Variants in CENPP observed in about 807,000 individuals in gnomAD.
CENPP encodes the protein centromere protein P.
A neutral mutation model predicts 35.6 loss-of-function variants in CENPP; 24 were observed. The ratio of observed to expected loss-of-function variants is 0.67; its 90% confidence interval spans 0.49 to 0.95. The LOEUF (loss-of-function observed/expected upper bound fraction) is 0.95. Ranked by LOEUF, CENPP falls within the 40% of genes least tolerant of loss-of-function variation. CENPP has a pLI of 0.00. For missense variants in CENPP, 332 were observed against 345.3 expected (o/e 0.96, Z 0.31); for synonymous variants, 120 against 125.5 (o/e 0.96, Z 0.29).
At chr9:92,507,328 A>C (rs1430042396) in intron 5 of CENPP, among the ~76,000 whole-genome samples, 1 of 152,232 alleles carries the variant, frequency 6.6e-6, no homozygotes, top group Non-Finnish European at 1.5e-5. Flanking sequence ...TCTCTAGTAC[A>C]TAGGTGAAGT....
chr9:92,449,854 A>G (rs1430470523), intron 5 of CENPP, among the ~76,000 whole-genome samples: 1 of 152,144 alleles, frequency 6.6e-6, no homozygotes, highest in East Asian at 1.9e-4. Context: ...CATGCTTCCT[A>G]TACAGCCTGC....
intron 5 of CENPP, chr9:92,515,196 A>G (rs748974271): frequency 2.6e-6 from 4 of 1,567,440 alleles, no homozygotes; most frequent in East Asian, 2.2e-5. Context: ...TGAGTAGAGA[A>G]TAGGAGACTA....
chr9:92,525,059 C>A (rs1258667254), intron 5 of CENPP, among the ~76,000 whole-genome samples: 1 of 152,166 alleles, frequency 6.6e-6, no homozygotes, highest in Non-Finnish European at 1.5e-5. Context: ...TGCCTGTAAT[C>A]CCAGCCCTAT....
intron 1 of CENPP, among the ~76,000 whole-genome samples, chr9:92,331,113 A>G (rs959613687): frequency 6.6e-5 from 10 of 152,250 alleles, no homozygotes; most frequent in Non-Finnish European, 4.4e-5. Context: ...CTTTCTTACT[A>G]TAAAACGTTC....
chr9:92,360,607 T>G (rs1841721234), intron 4 of CENPP, among the ~76,000 whole-genome samples: 1 of 152,182 alleles, frequency 6.6e-6, no homozygotes, highest in African/African-American at 2.4e-5. Context: ...GATAACATTA[T>G]AATGTTTTAC....
Position 92,443,550 on chromosome 9 carries a change from G to T in CENPP, c.564+63691G>T, listed in dbSNP as rs113662500. Among the ~76,000 whole-genome samples the T allele has an allele frequency of 9.4e-4, 143 of 152,198 alleles. 1 individual carries two copies. The highest frequency in any genetic ancestry group is 3.2e-3 in the African/African-American group (134 of 41,518). On this transcript the variant is annotated intron_variant, in intron 5 of 7. Transcript: ENST00000375587. The stretch of plus-strand genomic sequence containing the variant: ...CAATAATAATCTCAGCTTGGTTTTT[G>T]TGTGATTTTACATGCTAATTCTGAA...
chr9:92,537,776 C>A (rs1444873873), intron 5 of CENPP, among the ~76,000 whole-genome samples: 1 of 152,188 alleles, frequency 6.6e-6, no homozygotes, highest in Non-Finnish European at 1.5e-5. Flanking sequence ...GAAGATTTCT[C>A]AATCTCAGTA....
chr9:92,377,109 A>G (rs991714051), intron 4 of CENPP, among the ~76,000 whole-genome samples: 43 of 151,396 alleles, frequency 2.8e-4, no homozygotes, highest in African/African-American at 9.2e-4. Context: ...TCCCTTTTCT[A>G]TTGCAGAGCA....
intron 5 of CENPP, among the ~76,000 whole-genome samples, chr9:92,480,656 C>G (rs554794264): frequency 1.8e-4 from 27 of 152,276 alleles, no homozygotes; most frequent in Non-Finnish European, 3.4e-4. Flanking sequence ...TATTTCCTCT[C>G]AGACACTATT....
intron 7 of CENPP, 135 bp from the exon 8 acceptor site, chr9:92,612,884 G>A (rs1005062306): frequency 7.0e-5 from 74 of 1,059,176 alleles, no homozygotes; most frequent in Middle Eastern, 3.1e-4. Flanking sequence ...CTCCTCGCCC[G>A]CCACTAGCAT....
chr9:92,469,678 A>AG (rs1426054380), intron 5 of CENPP, among the ~76,000 whole-genome samples: 1 of 152,160 alleles, frequency 6.6e-6, no homozygotes, highest in East Asian at 1.9e-4. Flanking sequence ...TGGAATAGCC[A>AG]GGCCTGGCTT....
intron 5 of CENPP, among the ~76,000 whole-genome samples, chr9:92,595,860 C>T (rs891073298): frequency 6.6e-6 from 1 of 152,176 alleles, no homozygotes; most frequent in Non-Finnish European, 1.5e-5. Flanking sequence ...CCGCACCCAG[C>T]CTATTTCCTT....
intron 5 of CENPP, chr9:92,500,758 G>A (rs761774737): frequency 3.7e-6 from 6 of 1,613,378 alleles, no homozygotes; most frequent in Non-Finnish European, 5.1e-6. Context: ...CTCAGAAAAT[G>A]TAGTGCTTTC....
At chr9:92,507,992 G>A (rs1202063651) in intron 5 of CENPP, among the ~76,000 whole-genome samples, 1 of 152,158 alleles carries the variant, frequency 6.6e-6, no homozygotes, top group Admixed American at 6.5e-5. Flanking sequence ...TCTTTGTGCT[G>A]TTTTCTCTCC....
At chr9:92,483,245 T>C (rs1187467379) in intron 5 of CENPP, among the ~76,000 whole-genome samples, 1 of 151,920 alleles carries the variant, frequency 6.6e-6, no homozygotes, top group East Asian at 1.9e-4. Context: ...TTTTTTTTTT[T>C]TGAGACGGAG....
In CENPP at chr9:92,572,882, C is replaced by T. The variant is rs572650369; in HGVS notation, c.565-38432C>T. Reference sequence around the variant, plus strand: ...TACCCTTTCTTCCACTTGATCAAATCGGCTACTGAGGCTTGTGCATGTGTC... The same window carrying T: ...TACCCTTTCTTCCACTTGATCAAATTGGCTACTGAGGCTTGTGCATGTGTC... On this transcript the variant is annotated intron_variant, in intron 5 of 7. Transcript: ENST00000375587. Among the ~76,000 whole-genome samples the T allele has an allele frequency of 5.3e-5, 8 of 152,278 alleles. No individual in the cohort carries two copies. In the South Asian group the frequency reaches 1.2e-3, roughly 24 times the overall value.
chr9:92,404,499 T>A (rs972315288), intron 5 of CENPP: 4 of 1,289,926 alleles, frequency 3.1e-6, no homozygotes, highest in Non-Finnish European at 4.1e-6. Flanking sequence ...AGCCTACCGT[T>A]GTAGCTGTTT....
intron 4 of CENPP, among the ~76,000 whole-genome samples, chr9:92,371,719 TG>T (rs1235295847): frequency 1.3e-5 from 2 of 152,154 alleles, no homozygotes; most frequent in Non-Finnish European, 2.9e-5. Context: ...CCATTATTAT[TG>T]TATTGCAATC....
At chr9:92,426,106 AG>A (rs1379070084) in intron 5 of CENPP, among the ~76,000 whole-genome samples, 1 of 152,134 alleles carries the variant, frequency 6.6e-6, no homozygotes, top group Non-Finnish European at 1.5e-5. Flanking sequence ...GTGTCTATCT[AG>A]GAGGTTTAAG....
Sources: allele counts gnomAD v4.1 joint callset (sites outside exome capture counted in the v4.1 genomes callset), GRCh38; gene constraint gnomAD v4.1.1; transcripts MANE v1.5; gene names NCBI Gene and HGNC (gene_info 2026-07-23, HGNC 2026-07-21).